Variants in LRRC4C observed in about 807,000 individuals in gnomAD.
LRRC4C encodes the protein leucine rich repeat containing 4C, also known as leucine-rich repeat-containing protein 4C.
In LRRC4C, 5 loss-of-function variants were observed where a neutral mutation model predicts 33.6. The observed-to-expected ratio is 0.15, with a 90% CI of 0.08 to 0.31. The LOEUF (loss-of-function observed/expected upper bound fraction) is 0.31, where lower values mean the gene tolerates loss of function less well. LRRC4C is among the 10% of genes least tolerant of loss of function. The pLI is 1.00. For synonymous variants in LRRC4C, 329 were observed against 302.0 expected, an observed-to-expected ratio of 1.09 and a Z score of -0.93; for missense variants, 560 against 796.7, an observed-to-expected ratio of 0.70 and a Z score of 3.58.
intron 1 of LRRC4C, among the ~76,000 whole-genome samples, chr11:40,943,733 T>C (rs1958260122): frequency 6.6e-6 from 1 of 152,166 alleles, no homozygotes; most frequent in Non-Finnish European, 1.5e-5. Context: ...CTTTGAAGTG[T>C]TTGCACACAT....
intron 1 of LRRC4C, among the ~76,000 whole-genome samples, chr11:41,388,376 T>G (rs920960441): frequency 6.6e-6 from 1 of 151,860 alleles, no homozygotes; most frequent in African/African-American, 2.4e-5. Context: ...TATATGTAAA[T>G]ACATACATAA....
intron 1 of LRRC4C, among the ~76,000 whole-genome samples, chr11:41,132,286 T>C (rs971418688): frequency 2.0e-5 from 3 of 152,188 alleles, no homozygotes; most frequent in Admixed American, 6.5e-5. Flanking sequence ...GTAGAACTTA[T>C]ACAGAATATT....
At chr11:40,925,101 G>C (rs935281223) in intron 2 of LRRC4C, among the ~76,000 whole-genome samples, 1 of 151,246 alleles carries the variant, frequency 6.6e-6, no homozygotes, top group Admixed American at 6.6e-5. Flanking sequence ...AGTGACCAGC[G>C]GGAGGAGCCA....
chr11:41,110,027 T>C (rs56401117), intron 1 of LRRC4C, among the ~76,000 whole-genome samples: 261 of 152,166 alleles, frequency 1.7e-3, no homozygotes, highest in African/African-American at 5.9e-3. Flanking sequence ...GGTTAATACC[T>C]CACAGTTTAT....
rs548256973 is a variant in LRRC4C, at chr11:40,143,337, G to A, written c.-95-2484C>T. 5.3e-5 allele frequency among the ~76,000 whole-genome samples: 8 copies of A among 152,084 alleles called. No homozygotes were observed. In the South Asian group the frequency reaches 6.2e-4, roughly 12 times the overall value. The stretch of plus-strand genomic sequence containing the variant: ...CCTTCTCAATGCTCAATGGCTTCTC[G>A]CAACACTCAGAGTAATATTAAAGTC... On this transcript the variant is annotated intron_variant, in intron 5 of 6. Coordinates refer to ENST00000528697, the MANE Select transcript of LRRC4C (RefSeq NM_001258419.2).
intron 4 of LRRC4C, among the ~76,000 whole-genome samples, chr11:40,247,821 T>G (rs933164959): frequency 1.3e-5 from 2 of 152,196 alleles, no homozygotes; most frequent in Non-Finnish European, 2.9e-5. Flanking sequence ...TTTGGAAGAA[T>G]TAGCAGTCAT....
chr11:40,284,784 G>C (rs569077945), intron 4 of LRRC4C, among the ~76,000 whole-genome samples: 1 of 152,100 alleles, frequency 6.6e-6, no homozygotes, highest in South Asian at 2.1e-4. Flanking sequence ...TCTAAGTGAG[G>C]ATTAAGGAGT....
intron 2 of LRRC4C, among the ~76,000 whole-genome samples, chr11:40,715,444 A>G (rs944162631): frequency 2.6e-5 from 4 of 152,216 alleles, no homozygotes; most frequent in African/African-American, 9.6e-5. Context: ...AGTGGTAGGG[A>G]GTGAAAAATA....
At chr11:41,122,965 T>C (rs901253296) in intron 1 of LRRC4C, 3 of 152,200 alleles carry the variant, frequency 2.0e-5, no homozygotes, top group African/African-American at 7.2e-5. Context: ...GTCATGCTAG[T>C]CTTCTCCGTA....
intron 2 of LRRC4C, among the ~76,000 whole-genome samples, chr11:40,782,570 T>C (rs1034431163): frequency 2.6e-5 from 4 of 152,086 alleles, no homozygotes; most frequent in African/African-American, 9.7e-5. Flanking sequence ...TCCACTAGAG[T>C]TTCCTATTGT....
chr11:40,340,909 G>C (rs1946836647), intron 3 of LRRC4C, among the ~76,000 whole-genome samples: 1 of 152,118 alleles, frequency 6.6e-6, no homozygotes, highest in East Asian at 1.9e-4. Context: ...TACCATGGGT[G>C]AAGGTTTGAA....
At chr11:40,196,938 CA>C (rs930547630) in intron 5 of LRRC4C, among the ~76,000 whole-genome samples, 10 of 152,278 alleles carry the variant, frequency 6.6e-5, no homozygotes, top group African/African-American at 2.2e-4. Flanking sequence ...ATGGAGACCA[CA>C]TTATTTCTTA....
chr11:41,254,822 C>A (rs186077694), intron 1 of LRRC4C, among the ~76,000 whole-genome samples: 1 of 152,010 alleles, frequency 6.6e-6, no homozygotes, highest in Non-Finnish European at 1.5e-5. Context: ...ATGCTTCTAA[C>A]CATTCTTGCT....
At chr11:40,615,155 G>T (rs1961638990) in intron 3 of LRRC4C, among the ~76,000 whole-genome samples, 1 of 150,212 alleles carries the variant, frequency 6.7e-6, no homozygotes, top group African/African-American at 2.5e-5. Context: ...GATAATGTCT[G>T]ATGAGTACGG....
At chr11:40,593,027 T>G (rs1266775624) in intron 3 of LRRC4C, among the ~76,000 whole-genome samples, 1 of 152,170 alleles carries the variant, frequency 6.6e-6, no homozygotes, top group Non-Finnish European at 1.5e-5. Flanking sequence ...AGAGAGTAAA[T>G]TTACTAATCA....
chr11:41,427,238 G>A (rs915096748), intron 1 of LRRC4C, among the ~76,000 whole-genome samples: 9 of 152,008 alleles, frequency 5.9e-5, no homozygotes, highest in African/African-American at 1.9e-4. Context: ...TTATTAATTT[G>A]TTCATTTAGT....
intron 1 of LRRC4C, among the ~76,000 whole-genome samples, chr11:41,057,170 C>G (rs771436851): frequency 6.6e-6 from 1 of 152,188 alleles, no homozygotes; most frequent in Non-Finnish European, 1.5e-5. Context: ...TGCCTGCTCC[C>G]GCTGCTTGGC....
At chr11:41,282,358 C>A (rs567323156) in intron 1 of LRRC4C, among the ~76,000 whole-genome samples, 1 of 152,236 alleles carries the variant, frequency 6.6e-6, no homozygotes, top group African/African-American at 2.4e-5. Context: ...AATTTACCAC[C>A]AAGGAATCAG....
intron 4 of LRRC4C, among the ~76,000 whole-genome samples, chr11:40,270,488 G>A (rs1440187994): frequency 2.0e-5 from 3 of 151,986 alleles, no homozygotes; most frequent in Non-Finnish European, 2.9e-5. Context: ...CTTCTTCAAA[G>A]ATGTTATCTG....
Sources: gnomAD v4.1 joint callset for allele counts (sites outside exome capture counted in the v4.1 genomes callset) on GRCh38, gnomAD v4.1.1 for gene constraint, MANE v1.5 for transcripts, NCBI Gene and HGNC (gene_info 2026-07-23, HGNC 2026-07-21) for gene names.